Variants in MACROD2 observed in about 807,000 individuals in gnomAD.
MACROD2 encodes the protein ADP-ribose glycohydrolase MACROD2.
Under a neutral mutation model 70.4 loss-of-function variants are expected in MACROD2, and 36 were observed. The observed-to-expected ratio is 0.51, with a 90% CI of 0.39 to 0.68. MACROD2 has a LOEUF of 0.68. Among genes scored for constraint, MACROD2 ranks in the 30% least tolerant of loss-of-function variants. MACROD2 has a pLI of 0.00. For synonymous variants in MACROD2, 172 were observed against 178.8 expected, an observed-to-expected ratio of 0.96 and a Z score of 0.30; for missense variants, 496 against 538.4, an observed-to-expected ratio of 0.92 and a Z score of 0.78.
chr20:14,250,147 G>A lies in MACROD2; in HGVS notation c.271+164419G>A, dbSNP rs1029851329. On this transcript the variant is annotated intron_variant, in intron 3 of 17. Coordinates refer to ENST00000684519, the MANE Select transcript of MACROD2 (RefSeq NM_001351661.2). The stretch of plus-strand genomic sequence containing the variant: ...TTTTTCCAGCCAAGACTGACTATAC[G>A]TAGGTGGCTTCATTCTGAAAAAAAA... Among the ~76,000 whole-genome samples, 3 of 132,838 alleles carry A rather than the reference G, an allele frequency of 2.3e-5. No individual in the cohort carries two copies. The East Asian group carries it at 6.5e-4, about 29-fold the overall frequency. 87.1% of individuals were successfully genotyped at this position (132,838 alleles called of 152,430 possible). A position where few individuals can be genotyped will look rare whatever the true frequency, so the allele number is the denominator to read the frequency against.
chr20:15,905,826 A>C (rs1282321581), intron 10 of MACROD2, among the ~76,000 whole-genome samples: 1 of 152,150 alleles, frequency 6.6e-6, no homozygotes. Flanking sequence ...ACACTCTCCT[A>C]ATGCCTTGCT....
chr20:14,040,596 T>C (rs1308595272), intron 2 of MACROD2, among the ~76,000 whole-genome samples: 1 of 152,162 alleles, frequency 6.6e-6, no homozygotes, highest in East Asian at 1.9e-4. Context: ...TTAGGGCAGT[T>C]AGCTTGCAGG....
chr20:15,131,435 T>C (rs1356437423), intron 5 of MACROD2, among the ~76,000 whole-genome samples: 1 of 151,934 alleles, frequency 6.6e-6, no homozygotes, highest in African/African-American at 2.4e-5. Context: ...AACAAGTCAC[T>C]TACACCACAA....
intron 2 of MACROD2, among the ~76,000 whole-genome samples, chr20:14,077,574 C>CT (rs960090640): frequency 1.3e-5 from 2 of 151,884 alleles, no homozygotes; most frequent in Non-Finnish European, 2.9e-5. Flanking sequence ...GAATGAAGGA[C>CT]TTTTTTTTAC....
chr20:15,849,059 G>A (rs2064267209), intron 8 of MACROD2, among the ~76,000 whole-genome samples: 1 of 152,162 alleles, frequency 6.6e-6, no homozygotes, highest in Non-Finnish European at 1.5e-5. Flanking sequence ...TGTTGGGGGA[G>A]GTAGAGGCTA....
intron 8 of MACROD2, among the ~76,000 whole-genome samples, chr20:15,596,140 C>G (rs1178822532): frequency 6.6e-6 from 1 of 152,132 alleles, no homozygotes; most frequent in Non-Finnish European, 1.5e-5. Context: ...ATAATCTAAA[C>G]AAAGAAGAAC....
chr20:15,096,961 G>T (rs954270128), intron 5 of MACROD2, among the ~76,000 whole-genome samples: 1 of 151,488 alleles, frequency 6.6e-6, no homozygotes, highest in East Asian at 2.0e-4. Flanking sequence ...ACAGGTGCTC[G>T]CCACCACGCC....
At chr20:14,887,466 C>T (rs2073693937) in intron 5 of MACROD2, among the ~76,000 whole-genome samples, 1 of 150,888 alleles carries the variant, frequency 6.6e-6, no homozygotes. Context: ...GATGTCGGCT[C>T]AGTGCAACCT....
chr20:14,237,529 C>A (rs548516194), intron 3 of MACROD2, among the ~76,000 whole-genome samples: 153 of 150,496 alleles, frequency 1.0e-3, no homozygotes, highest in African/African-American at 3.2e-3. Context: ...TCTATTAATT[C>A]TTTATTTATT....
intron 5 of MACROD2, among the ~76,000 whole-genome samples, chr20:15,088,508 T>A (rs1252949965): frequency 1.4e-5 from 2 of 146,642 alleles, no homozygotes; most frequent in African/African-American, 2.5e-5. Flanking sequence ...CTGAGAAATG[T>A]GAGGTTATTT....
intron 7 of MACROD2, among the ~76,000 whole-genome samples, chr20:15,440,211 AAAG>A (rs1226236032): frequency 2.3e-4 from 35 of 152,294 alleles, no homozygotes; most frequent in African/African-American, 8.2e-4. Context: ...CCCTGGAAAA[AAAG>A]AAAAACTTTG....
At chr20:15,370,317 T>C (rs1050510624) in intron 6 of MACROD2, among the ~76,000 whole-genome samples, 2 of 152,026 alleles carry the variant, frequency 1.3e-5, no homozygotes, top group African/African-American at 4.8e-5. Flanking sequence ...TTTTTAGTTT[T>C]GAAAAATGTA....
intron 3 of MACROD2, among the ~76,000 whole-genome samples, chr20:14,387,287 AT>A (rs2083478258): frequency 6.6e-6 from 1 of 152,156 alleles, no homozygotes; most frequent in African/African-American, 2.4e-5. Context: ...AAGTGTGGAA[AT>A]TCTTCCCCCT....
In MACROD2 at chr20:15,173,736, A is replaced by C. The variant is rs1210883711; in HGVS notation, c.419-56204A>C. On this transcript the variant is annotated intron_variant, in intron 5 of 17. Coordinates refer to ENST00000684519, the MANE Select transcript of MACROD2 (RefSeq NM_001351661.2). ...GTGGGCCTCAGATTCAGTCATGCAG[A>C]ACCAATTTTTAGCATGGTGATATCA... Among the ~76,000 whole-genome samples, 3 of 152,160 alleles carry C rather than the reference A, an allele frequency of 2.0e-5. No homozygotes were observed. The East Asian group carries it at 5.8e-4, about 29-fold the overall frequency.
intron 6 of MACROD2, among the ~76,000 whole-genome samples, chr20:15,265,728 T>G (rs946060355): frequency 3.9e-5 from 6 of 152,186 alleles, no homozygotes; most frequent in African/African-American, 1.4e-4. Flanking sequence ...GAAAAGAAAA[T>G]AAAAGGCTAT....
At chr20:15,838,528 G>A (rs548563851) in intron 8 of MACROD2, among the ~76,000 whole-genome samples, 2 of 152,052 alleles carry the variant, frequency 1.3e-5, no homozygotes, top group Non-Finnish European at 2.9e-5. Flanking sequence ...TAGCTTTGGG[G>A]GTTCATTTCA....
chr20:15,595,152 G>A (rs455532), intron 8 of MACROD2, among the ~76,000 whole-genome samples: 21,412 of 152,134 alleles, frequency 0.14, 1,597 homozygotes, highest in African/African-American at 0.2. Context: ...TTGTTAAGGG[G>A]TACAGAGTTT....
At chr20:15,782,318 ATACT>A (rs944607066) in intron 8 of MACROD2, among the ~76,000 whole-genome samples, 6 of 152,120 alleles carry the variant, frequency 3.9e-5, no homozygotes, top group Admixed American at 6.5e-5. Context: ...AAAACAACAA[ATACT>A]TACTATTTTC....
intron 5 of MACROD2, chr20:15,196,964 A>G (rs780474939): frequency 1.7e-5 from 17 of 985,298 alleles, no homozygotes; most frequent in Non-Finnish European, 1.9e-5. Flanking sequence ...TTTGGGCCTC[A>G]GGTATCCAAA....
Sources: allele counts gnomAD v4.1 joint callset (sites outside exome capture counted in the v4.1 genomes callset), GRCh38; gene constraint gnomAD v4.1.1; transcripts MANE v1.5; gene names NCBI Gene and HGNC (gene_info 2026-07-23, HGNC 2026-07-21).